MAP4: variants seen among roughly 807,000 people sequenced by gnomAD.
MAP4 encodes the protein microtubule associated protein 4.
Under a neutral mutation model 170.2 loss-of-function variants are expected in MAP4, and 76 were observed. The observed-to-expected ratio is 0.45, with a 90% CI of 0.37 to 0.54. The LOEUF is 0.54. Among genes scored for constraint, MAP4 ranks in the 20% least tolerant of loss-of-function variants. MAP4 has a pLI of 0.00. For synonymous variants in MAP4, 909 were observed against 994.5 expected, an observed-to-expected ratio of 0.91 and a Z score of 1.62; for missense variants, 2,506 against 2,748.0, an observed-to-expected ratio of 0.91 and a Z score of 1.97.
In MAP4 at chr3:47,911,226, C is replaced by T; in HGVS notation, c.3195G>A (p.Arg1065=). The T allele has an allele frequency of 2.0e-6, 3 of 1,536,084 alleles. No homozygotes were observed. Among genetic ancestry groups the T allele is most frequent in the Non-Finnish European group, 2.6e-6 (3 of 1,146,908 alleles). Residue 1065 remains arginine, a synonymous_variant, in exon 9 of 21, where the codon AGG becomes AGA. Coordinates refer to ENST00000683076, the MANE Select transcript of MAP4 (RefSeq NM_001385682.1). The surrounding 1 kb of genome is among the most constrained non-coding windows in gnomAD (Gnocchi z 4.0). The part of the protein sequence containing the change: ...MAGDGKSRKG[R]GSSGKMRTDS... ...CTGTTCTCATTTTCCCAGAACTTCC[C>T]CTTCCCTTCCTGCTTTTGCCATCAC... is the stretch of plus-strand genomic sequence containing the variant.
chr3:48,028,079 G>A (rs971410508), intron 1 of MAP4, among the ~76,000 whole-genome samples: 1 of 152,008 alleles, frequency 6.6e-6, no homozygotes, highest in Non-Finnish European at 1.5e-5. Flanking sequence ...ATCACCTGAG[G>A]CCAGGAGTTT....
intron 2 of MAP4, among the ~76,000 whole-genome samples, chr3:47,981,297 A>G (rs891828306): frequency 4.6e-5 from 7 of 152,210 alleles, no homozygotes; most frequent in African/African-American, 1.2e-4. Context: ...GGGTATGCCT[A>G]TAGTCCCAGC....
chr3:48,067,802 G>A (rs746271033), intron 1 of MAP4, among the ~76,000 whole-genome samples: 3 of 152,046 alleles, frequency 2.0e-5, no homozygotes, highest in South Asian at 4.1e-4. Context: ...ACCATGGCCG[G>A]CTGATTTCTG....
intron 9 of MAP4, among the ~76,000 whole-genome samples, chr3:47,906,620 T>C (rs2100033186): frequency 6.6e-6 from 1 of 151,006 alleles, no homozygotes; most frequent in African/African-American, 2.4e-5. Context: ...GAGGCAGAGG[T>C]TGCGGTGAAC....
intron 1 of MAP4, among the ~76,000 whole-genome samples, chr3:48,048,413 A>C (rs2100125690): frequency 6.6e-6 from 1 of 151,896 alleles, no homozygotes; most frequent in African/African-American, 2.4e-5. Flanking sequence ...TTAAGAACCA[A>C]GTAAAGGCCT....
intron 1 of MAP4, among the ~76,000 whole-genome samples, chr3:48,025,804 G>A (rs920273168): frequency 2.6e-5 from 4 of 151,566 alleles, no homozygotes. Context: ...GGAGGCTGAG[G>A]CAGGAGAATT....
chr3:47,974,615 T>C, intron 3 of MAP4: 1 of 957,824 alleles, frequency 1.0e-6, no homozygotes, highest in Non-Finnish European at 1.2e-6. Context: ...CCATGTTTTA[T>C]GTTATATTTC....
chr3:48,082,144 A>T lies in MAP4; in HGVS notation c.-20+6629T>A, dbSNP rs1339910854. Among the ~76,000 whole-genome samples, 3 of 152,240 alleles carry T rather than the reference A, an allele frequency of 2.0e-5. No homozygotes were observed. The East Asian group carries it at 5.8e-4, about 29-fold the overall frequency. On this transcript the variant is annotated intron_variant, in intron 1 of 18. Coordinates refer to the MAP4 transcript ENST00000360240. ...AATGGGGGAGGCATAAATCTTCCTTACAAAAGGATTCCAAATCATAAAAGT... is the reference window on the plus strand; with the variant it reads ...AATGGGGGAGGCATAAATCTTCCTTTCAAAAGGATTCCAAATCATAAAAGT...
At chr3:48,015,577 T>C (rs1338843402) in intron 1 of MAP4, among the ~76,000 whole-genome samples, 1 of 152,178 alleles carries the variant, frequency 6.6e-6, no homozygotes, top group Non-Finnish European at 1.5e-5. Context: ...TTTTTTTTAG[T>C]ATGCCTAGCA....
chr3:47,921,056 G>C (rs2100042584), intron 5 of MAP4, among the ~76,000 whole-genome samples: 1 of 152,120 alleles, frequency 6.6e-6, no homozygotes, highest in Non-Finnish European at 1.5e-5. Flanking sequence ...AGATTGAGGT[G>C]GGAGGATCAC....
intron 1 of MAP4, among the ~76,000 whole-genome samples, chr3:48,036,233 T>A (rs11721050): frequency 0.3 from 45,022 of 152,058 alleles, 8,047 homozygotes; most frequent in Non-Finnish European, 0.37. Context: ...TCAAAGGCTA[T>A]GATAATAGCC....
At chr3:47,974,045 G>A (rs560275149) in intron 3 of MAP4, 17 of 985,252 alleles carry the variant, frequency 1.7e-5, no homozygotes, top group Middle Eastern at 1.0e-3. Context: ...CCTAAATTCC[G>A]GAAGTCGCTG....
At position 47,875,916 on chromosome 3, in the gene MAP4, T is replaced by G. The variant is rs1374478080; in HGVS notation, c.5542-16A>C. 17 of 1,557,662 alleles carry G rather than the reference T, an allele frequency of 1.1e-5. No individual in the cohort carries two copies. The highest frequency in any genetic ancestry group is 1.5e-5 in the Non-Finnish European group (17 of 1,152,994). ...TGGCCAAAGGCTTTAGGTTGATTGT[T>G]GTTTATTTTTTATTTTTATTTTTTA... On this transcript the variant is annotated splice_polypyrimidine_tract_variant and intron_variant, in intron 11 of 20. Transcript: ENST00000683076.
At chr3:47,988,451 A>G (rs1387182172) in intron 2 of MAP4, among the ~76,000 whole-genome samples, 3 of 152,144 alleles carry the variant, frequency 2.0e-5, no homozygotes, top group Admixed American at 1.3e-4. Flanking sequence ...GGTGAGGAGG[A>G]AATATGTGGT....
chr3:48,059,587 T>C (rs553465760), intron 1 of MAP4, among the ~76,000 whole-genome samples: 39 of 151,576 alleles, frequency 2.6e-4, no homozygotes, highest in East Asian at 2.3e-3. Flanking sequence ...GCCATACTTA[T>C]TTTGATCCTT....
At chr3:47,951,743 C>T (rs1409828882) in intron 3 of MAP4, among the ~76,000 whole-genome samples, 29 of 151,306 alleles carry the variant, frequency 1.9e-4, no homozygotes, top group African/African-American at 5.6e-4. Context: ...CCCAAAGTGC[C>T]GAGATTGCAG....
intron 1 of MAP4, among the ~76,000 whole-genome samples, chr3:48,028,585 C>T (rs2100114289): frequency 6.6e-6 from 1 of 151,758 alleles, no homozygotes; most frequent in Non-Finnish European, 1.5e-5. Context: ...CCAGCCTGGC[C>T]AAGATGGTGA....
chr3:47,935,735 G>A (rs1287283091), intron 3 of MAP4, among the ~76,000 whole-genome samples: 3 of 151,636 alleles, frequency 2.0e-5, no homozygotes, highest in East Asian at 1.9e-4. Flanking sequence ...TCAGGAGTTC[G>A]AGACCAGCCT....
At chr3:47,943,168 G>C (rs2100057578) in intron 3 of MAP4, among the ~76,000 whole-genome samples, 1 of 152,122 alleles carries the variant, frequency 6.6e-6, no homozygotes, top group Non-Finnish European at 1.5e-5. Context: ...AATAAAAAAA[G>C]TGACAGGAGA....
Sources: gnomAD v4.1 joint callset for allele counts (sites outside exome capture counted in the v4.1 genomes callset) on GRCh38, gnomAD v4.1.1 for gene constraint, Gnocchi (gnomAD v3.1) non-coding constraint, MANE v1.5 for transcripts, NCBI Gene and HGNC (gene_info 2026-07-23, HGNC 2026-07-21) for gene names.